Variants in CPB1 observed in about 807,000 individuals in gnomAD.
CPB1 encodes carboxypeptidase B.
CPB1 carries 53 observed loss-of-function variants against 51.4 expected under a neutral mutation model. The ratio of observed to expected loss-of-function variants is 1.03; its 90% CI spans 0.83 to 1.30. The LOEUF (loss-of-function observed/expected upper bound fraction) is 1.30. Ranked by LOEUF, CPB1 falls within the 50% of genes most tolerant of loss-of-function variation. CPB1 has a pLI of 0.00. For synonymous variants in CPB1, 189 were observed against 186.9 expected, an observed-to-expected ratio of 1.01 and a Z score of -0.09; for missense variants, 494 against 516.2, an observed-to-expected ratio of 0.96 and a Z score of 0.42.
At chr3:148,832,935 C>T (rs908122481) in intron 2 of CPB1, among the ~76,000 whole-genome samples, 3 of 152,120 alleles carry the variant, frequency 2.0e-5, no homozygotes, top group Non-Finnish European at 4.4e-5. Flanking sequence ...TCAACCTTGT[C>T]GTCTATAATA....
intron 2 of CPB1, 150 bp from the exon 3 acceptor site, chr3:148,834,348 C>T (rs559379824): frequency 1.4e-6 from 1 of 736,834 alleles, no homozygotes; most frequent in Non-Finnish European, 2.3e-6. Context: ...TTGGTTCCAA[C>T]CCTTGTTCAC....
chr3:148,845,787 G>A (rs923380743), intron 9 of CPB1, among the ~76,000 whole-genome samples, 161 bp downstream of exon 9: 1 of 152,116 alleles, frequency 6.6e-6, no homozygotes, highest in African/African-American at 2.4e-5. Flanking sequence ...GGAATCTGGA[G>A]TTGGCTAAAA....
intron 6 of CPB1, 74 bp downstream of exon 6, chr3:148,841,998 G>C (rs1270234821): frequency 2.6e-6 from 3 of 1,149,538 alleles, no homozygotes; most frequent in Non-Finnish European, 3.9e-6. Flanking sequence ...AAAACCTAGA[G>C]AGAATAATAA....
chr3:148,840,911 C>A lies in CPB1; in HGVS notation c.410C>A (p.Pro137Gln). The change falls in exon 5 of 11, where the codon CCA becomes CAA. Residue 137 changes from proline to glutamine, a missense_variant. By Grantham distance (76) the Pro-to-Gln change is moderately conservative (BLOSUM62 -1). Coordinates refer to ENST00000282957, the MANE Select transcript of CPB1 (RefSeq NM_001871.3). The part of the protein sequence containing the change: ...AWTQQVATEN[P>Q]ALISRSVIGT... ...ACTCAACAAGTCGCCACTGAGAATC[C>A]AGCCCTCATCTCTCGCAGTGTTATC... 2 of 1,614,120 alleles carry A rather than the reference C, an allele frequency of 1.2e-6. No homozygotes were observed. Among genetic ancestry groups the A allele is most frequent in the Non-Finnish European group, 1.7e-6 (2 of 1,180,010 alleles).
In CPB1 at chr3:148,840,942, C is replaced by T. The variant is rs1474677780; in HGVS notation, c.441C>T (p.Thr147=). Residue 147 remains threonine (T), a synonymous_variant, in exon 5 of 11, where the codon ACC becomes ACT. Transcript: ENST00000282957. ...TCATCTCTCGCAGTGTTATCGGAAC[C>T]ACATTTGAGGGACGCGCTATTTACC... is the stretch of plus-strand genomic sequence containing the variant. The part of the protein sequence containing the change: ...PALISRSVIG[T]TFEGRAIYLL... 1.9e-5 allele frequency: 31 copies of T among 1,613,930 alleles called. No homozygotes were observed. Among genetic ancestry groups the T allele is most frequent in the Non-Finnish European group, 2.3e-5 (27 of 1,179,988 alleles).
rs1713696456 is a variant in CPB1 at position 148,859,802 on chromosome 3, T to G, written c.1067-13T>G. On this transcript the variant is annotated splice_polypyrimidine_tract_variant and intron_variant, in intron 10 of 10. Coordinates refer to ENST00000282957, the MANE Select transcript of CPB1 (RefSeq NM_001871.3). ...ATTTAAAGTTTTTTTTCACTGCTGTTTGCACATTTCAGATCCTGCTGCTGG... is the reference window on the plus strand; with the variant it reads ...ATTTAAAGTTTTTTTTCACTGCTGTGTGCACATTTCAGATCCTGCTGCTGG... 1.2e-6 allele frequency: 2 copies of G among 1,601,076 alleles called. No homozygotes were observed. The highest frequency in any genetic ancestry group is 3.4e-5 in the Admixed American group (2 of 58,480).
intron 2 of CPB1, among the ~76,000 whole-genome samples, chr3:148,833,176 C>G (rs565655876): frequency 6.6e-6 from 1 of 152,250 alleles, no homozygotes; most frequent in South Asian, 2.1e-4. Flanking sequence ...TCATCCTTGA[C>G]TCACTAGGTC....
chr3:148,844,888 T>C (rs1206663266), intron 8 of CPB1, 121 bp downstream of exon 8: 1 of 823,242 alleles, frequency 1.2e-6, no homozygotes, highest in Non-Finnish European at 1.9e-6. Flanking sequence ...TCTAACCTTC[T>C]AAAAGCACCA....
chr3:148,832,009 T>C (rs181463967), intron 2 of CPB1, among the ~76,000 whole-genome samples: 55 of 152,264 alleles, frequency 3.6e-4, no homozygotes, highest in East Asian at 2.5e-3. Context: ...TGGGTCTGTG[T>C]CACACATGCA....
At chr3:148,850,289 TG>T (rs1283202124) in intron 9 of CPB1, among the ~76,000 whole-genome samples, 12 of 151,574 alleles carry the variant, frequency 7.9e-5, no homozygotes, top group East Asian at 1.9e-4. Flanking sequence ...AAGTTTTTTT[TG>T]TTTGTTTGTT....
At chr3:148,849,913 C>T (rs1414930537) in intron 9 of CPB1, among the ~76,000 whole-genome samples, 1 of 152,210 alleles carries the variant, frequency 6.6e-6, no homozygotes, top group East Asian at 1.9e-4. Flanking sequence ...TCCAAAGACA[C>T]ACAGACACAT....
chr3:148,834,517 A>G lies in CPB1; in HGVS notation c.167A>G (p.Asp56Gly), dbSNP rs771541190. The G allele has an allele frequency of 5.6e-5, 90 of 1,613,594 alleles. No homozygotes were observed. Among genetic ancestry groups the G allele is most frequent in the Non-Finnish European group, 7.3e-5 (86 of 1,179,644 alleles). Residue 56 changes from aspartate to glycine, a missense_variant, in exon 3 of 11, where the codon GAT becomes GGT. By Grantham distance (94) the Asp-to-Gly change is moderately conservative (BLOSUM62 -1). Coordinates refer to ENST00000282957, the MANE Select transcript of CPB1 (RefSeq NM_001871.3). ...STTQIDFWKP[D>G]SVTQIKPHST... is the part of the protein sequence containing the mutation. ...ATTCAGATTGACTTCTGGAAGCCAG[A>G]TTCTGTCACACAAATCAAACCTCAC...
intron 2 of CPB1, among the ~76,000 whole-genome samples, chr3:148,830,703 C>A (rs1482877445): frequency 6.6e-6 from 1 of 152,040 alleles, no homozygotes; most frequent in African/African-American, 2.4e-5. Flanking sequence ...ATGAAAAAAT[C>A]TTTACTTATC....
At chr3:148,845,385 C>A in intron 8 of CPB1, 39 bp from the exon 9 acceptor site, 1 of 1,582,800 alleles carries the variant, frequency 6.3e-7, no homozygotes. Context: ...AAGAACTTCA[C>A]TAGGTGATCC....
intron 10 of CPB1, among the ~76,000 whole-genome samples, chr3:148,858,213 T>A (rs748700418): frequency 3.3e-5 from 5 of 152,126 alleles, no homozygotes; most frequent in Non-Finnish European, 5.9e-5. Context: ...GTATCAGAAT[T>A]AACTTCCCAA....
intron 3 of CPB1, among the ~76,000 whole-genome samples, chr3:148,839,459 AG>A (rs1392544363): frequency 6.6e-6 from 1 of 152,260 alleles, no homozygotes; most frequent in Non-Finnish European, 1.5e-5. Flanking sequence ...AAGCATTGGC[AG>A]CTGCTCAATA....
chr3:148,832,039 G>T (rs1712754662), intron 2 of CPB1, among the ~76,000 whole-genome samples: 1 of 152,108 alleles, frequency 6.6e-6, no homozygotes, highest in Admixed American at 6.5e-5. Context: ...AGTGTTGTAT[G>T]TATGTTGATA....
At chr3:148,835,530 A>G (rs1712879767) in intron 3 of CPB1, among the ~76,000 whole-genome samples, 1 of 152,212 alleles carries the variant, frequency 6.6e-6, no homozygotes, top group Non-Finnish European at 1.5e-5. Flanking sequence ...ACCATACTTT[A>G]GGAAGAGAAC....
chr3:148,850,653 G>C (rs1025614599), intron 9 of CPB1, among the ~76,000 whole-genome samples: 3 of 152,162 alleles, frequency 2.0e-5, no homozygotes, highest in African/African-American at 4.8e-5. Flanking sequence ...AAGAATTTGA[G>C]TATAATGCAA....
Sources: gnomAD v4.1 joint callset for allele counts (sites outside exome capture counted in the v4.1 genomes callset) on GRCh38, gnomAD v4.1.1 for gene constraint, MANE v1.5 for transcripts, NCBI Gene and HGNC (gene_info 2026-07-23, HGNC 2026-07-21) for gene names.